CLEC18B: variants seen among roughly 807,000 people sequenced by gnomAD.
CLEC18B encodes C-type lectin domain family 18 member B.
CLEC18B carries 5 observed loss-of-function variants against 60.4 expected under a neutral mutation model. That is an observed-to-expected ratio of 0.08 (90% confidence interval 0.04 to 0.17). The LOEUF (loss-of-function observed/expected upper bound fraction) is 0.17. CLEC18B is among the 10% of genes least tolerant of loss of function. CLEC18B has a pLI of 1.00. For missense variants in CLEC18B, 26 were observed against 572.8 expected (o/e 0.05, Z 9.74); for synonymous variants, 16 against 221.2 (o/e 0.07, Z 8.23).
intron 4 of CLEC18B, among the ~76,000 whole-genome samples, 198 bp from the exon 5 acceptor site, chr16:74,413,356 A>G (rs1481102656): frequency 6.6e-6 from 1 of 152,280 alleles, no homozygotes; most frequent in Admixed American, 6.5e-5. Flanking sequence ...ACTCCCTGAT[A>G]CCAGGACCAG....
At position 74,421,319 on chromosome 16, in the gene CLEC18B, C is replaced by T. The variant is rs1249794181; in HGVS notation, c.-49G>A. On this transcript the variant is annotated 5_prime_UTR_variant, in exon 1 of 12. It adds an upstream start codon to the 5' untranslated region. Coordinates refer to ENST00000682950, the MANE Select transcript of CLEC18B (RefSeq NM_001385193.1). ...CTCCGTGCACAGCCTGGCTCAGCCA[C>T]CCGGCTTGTTTCTCAGGCTGGATGG... The T allele has an allele frequency of 6.2e-7, 1 of 1,607,274 alleles. No homozygotes were observed. The highest frequency in any genetic ancestry group is 2.2e-5 in the East Asian group (1 of 44,604).
chr16:74,419,128 C>T (rs1268479164), intron 2 of CLEC18B, among the ~76,000 whole-genome samples: 3 of 152,280 alleles, frequency 2.0e-5, no homozygotes, highest in African/African-American at 4.8e-5. Context: ...GCCTGGCAAT[C>T]ACCACCCCTG....
At chr16:74,418,672 G>A (rs541998774) in intron 2 of CLEC18B, among the ~76,000 whole-genome samples, 1 of 152,264 alleles carries the variant, frequency 6.6e-6, no homozygotes, top group East Asian at 1.9e-4. Context: ...GCTCCCACCC[G>A]GCCATGCTGC....
upstream of CLEC18B, chr16:74,421,905 G>A (rs1354672873): frequency 1.4e-5 from 2 of 140,630 alleles, no homozygotes; most frequent in East Asian, 4.4e-4. Flanking sequence ...TCAAAGGGGG[G>A]TGGGCTGAGG....
At chr16:74,421,723 C>T, upstream of CLEC18B, 1 of 251,486 alleles carries the variant, frequency 4.0e-6, no homozygotes, top group South Asian at 5.6e-5. Flanking sequence ...TTCCGCTCCC[C>T]AGCCCCGGGC....
chr16:74,423,967 C>G (rs528114618), upstream of CLEC18B, among the ~76,000 whole-genome samples: 1 of 152,204 alleles, frequency 6.6e-6, no homozygotes, highest in Non-Finnish European at 1.5e-5. Context: ...GGAGCCTGCT[C>G]GGTGGCTGGG....
At chr16:74,422,349 G>C (rs573392975), upstream of CLEC18B, 2 of 152,310 alleles carry the variant, frequency 1.3e-5, no homozygotes, top group Non-Finnish European at 2.9e-5. Context: ...AACCAACTAC[G>C]TCCTCCTTCT....
At chr16:74,419,879 TG>T (rs2013599033) in intron 2 of CLEC18B, among the ~76,000 whole-genome samples, 1 of 150,742 alleles carries the variant, frequency 6.6e-6, no homozygotes, top group African/African-American at 2.4e-5. Flanking sequence ...CTGGGGCTGC[TG>T]GGGTCCCAGA....
At chr16:74,413,385 C>T (rs1280806416) in intron 4 of CLEC18B, among the ~76,000 whole-genome samples, 194 bp downstream of exon 4, 13 of 152,356 alleles carry the variant, frequency 8.5e-5, no homozygotes, top group Admixed American at 1.3e-4. Flanking sequence ...AAGGGACATC[C>T]GCAGAGCAGC....
upstream of CLEC18B, among the ~76,000 whole-genome samples, chr16:74,423,282 C>T (rs1364098418): frequency 6.6e-6 from 1 of 151,540 alleles, no homozygotes; most frequent in African/African-American, 2.4e-5. Context: ...CAAACACGGC[C>T]AGTTGACCCA....
At chr16:74,419,511 G>A (rs2013579526) in intron 2 of CLEC18B, among the ~76,000 whole-genome samples, 1 of 149,776 alleles carries the variant, frequency 6.7e-6, no homozygotes, top group Non-Finnish European at 1.5e-5. Flanking sequence ...TGGAAATGAA[G>A]TTTTCTAAGA....
At chr16:74,414,065 G>C (rs1184596148) in intron 3 of CLEC18B, among the ~76,000 whole-genome samples, 2 of 152,130 alleles carry the variant, frequency 1.3e-5, no homozygotes, top group Non-Finnish European at 2.9e-5. Flanking sequence ...AGTAGAGACA[G>C]GGCTTCTCCA....
intron 10 of CLEC18B, among the ~76,000 whole-genome samples, chr16:74,410,106 A>G (rs1371625683): frequency 1.3e-5 from 2 of 152,268 alleles, no homozygotes; most frequent in African/African-American, 4.8e-5. Flanking sequence ...CCACGTGACC[A>G]GAGGGTTCTT....
chr16:74,419,831 C>CA, intron 2 of CLEC18B, among the ~76,000 whole-genome samples: 1 of 151,676 alleles, frequency 6.6e-6, no homozygotes, highest in East Asian at 2.0e-4. Context: ...CTCCCGCCCC[C>CA]ACCACCCTGC....
chr16:74,413,449 C>G, intron 4 of CLEC18B, 130 bp downstream of exon 4: 1 of 1,459,846 alleles, frequency 6.9e-7, no homozygotes, highest in East Asian at 2.4e-5. Context: ...CTCCTCCCCT[C>G]TCCCACCAAG....
At chr16:74,417,458 C>CA (rs1366015121) in intron 3 of CLEC18B, among the ~76,000 whole-genome samples, 1 of 98,736 alleles carries the variant, frequency 1.0e-5, no homozygotes, top group Non-Finnish European at 2.0e-5. Flanking sequence ...ACTAAAAATA[C>CA]AAAAAAATGA....
chr16:74,419,971 C>T (rs1359235743), intron 2 of CLEC18B, among the ~76,000 whole-genome samples: 1 of 152,386 alleles, frequency 6.6e-6, no homozygotes, highest in Admixed American at 6.5e-5. Flanking sequence ...GAACTCTATA[C>T]CCCCGACCCC....
chr16:74,422,001 C>A (rs1156909247), upstream of CLEC18B: 2 of 145,604 alleles, frequency 1.4e-5, no homozygotes, highest in African/African-American at 2.6e-5. Flanking sequence ...GCCCACCACC[C>A]TCACCCACGT....
At chr16:74,411,202 G>A (rs1339860075) in intron 8 of CLEC18B, among the ~76,000 whole-genome samples, 168 bp from the exon 9 acceptor site, 11 of 152,372 alleles carry the variant, frequency 7.2e-5, no homozygotes, top group South Asian at 4.1e-4. Context: ...TTCTGCTCCC[G>A]TCTGCTTCTC....
Sources: allele counts gnomAD v4.1 joint callset (sites outside exome capture counted in the v4.1 genomes callset), GRCh38; gene constraint gnomAD v4.1.1; transcripts MANE v1.5; gene names NCBI Gene and HGNC (gene_info 2026-07-23, HGNC 2026-07-21).